Variants in TOP2A observed in about 807,000 individuals in gnomAD.
The protein encoded by TOP2A is DNA topoisomerase II alpha, also known as DNA topoisomerase 2-alpha.
A neutral mutation model predicts 187.2 loss-of-function variants in TOP2A; 68 were observed. The observed-to-expected ratio is 0.36, with a 90% confidence interval of 0.30 to 0.44. TOP2A has a LOEUF of 0.44. TOP2A is among the 20% of genes least tolerant of loss of function. TOP2A has a pLI of 1.00. For synonymous variants in TOP2A, 542 were observed against 593.2 expected (o/e 0.91, Z 1.25); for missense variants, 1,196 against 1,808.7 (o/e 0.66, Z 6.14).
intron 7 of TOP2A, 73 bp downstream of exon 7, chr17:40,412,686 A>C: frequency 1.6e-6 from 2 of 1,269,800 alleles, no homozygotes; most frequent in Non-Finnish European, 2.2e-6. Flanking sequence ...ATGGGAGGGG[A>C]AAAAATTCAA....
Position 40,417,848 on chromosome 17 carries a change from C to T in TOP2A, c.-57G>A, listed in dbSNP as rs1293129025. 65 of 1,607,812 alleles carry T rather than the reference C, an allele frequency of 4.0e-5. No individual in the cohort carries two copies. Among genetic ancestry groups the T allele is most frequent in the Non-Finnish European group, 4.0e-5 (47 of 1,177,040 alleles). ...GAAAGCGACTAAACAGGCAGGACCC[C>T]ACGAGACCACCCCCGACCAAGCCGC... On this transcript the variant is annotated 5_prime_UTR_variant, in exon 1 of 35. Coordinates refer to ENST00000423485, the MANE Select transcript of TOP2A (RefSeq NM_001067.4).
chr17:40,404,302 G>A, intron 18 of TOP2A, 29 bp from the exon 19 acceptor site: 1 of 1,610,436 alleles, frequency 6.2e-7, no homozygotes, highest in Non-Finnish European at 8.5e-7. Context: ...GCAAACGTAA[G>A]TATCCTCAAT....
chr17:40,400,937 C>T lies in TOP2A; in HGVS notation c.2577G>A (p.Gly859=), dbSNP rs1240596326. The T allele has an allele frequency of 1.2e-6, 2 of 1,613,910 alleles. No homozygotes were observed. The highest frequency in any genetic ancestry group is 1.7e-5 in the Admixed American group (1 of 60,008). Residue 859 remains glycine, a synonymous_variant, in exon 21 of 35, where the codon GGG becomes GGA. Coordinates refer to ENST00000423485, the MANE Select transcript of TOP2A (RefSeq NM_001067.4). ...CAAAGTTGGGGATTTTGCAGGACCA[C>T]CCAGTACCGATTCCTTCAGCACCAT... ...LINGAEGIGT[G]WSCKIPNFDV...
chr17:40,392,747 A>G lies in TOP2A; in HGVS notation c.3812-10T>C. 6.3e-7 allele frequency: 1 copy of G among 1,598,610 alleles called. No homozygotes were observed. Among genetic ancestry groups the G allele is most frequent in the Non-Finnish European group, 8.5e-7 (1 of 1,176,020 alleles). On this transcript the variant is annotated splice_polypyrimidine_tract_variant and intron_variant, in intron 29 of 34. Transcript: ENST00000423485. Reference sequence around the variant, plus strand: ...TTCTTTGTCTTTGTACCTAGAGGGGAGATAGAAATTAATCACCTTTATATA... The same window carrying G: ...TTCTTTGTCTTTGTACCTAGAGGGGGGATAGAAATTAATCACCTTTATATA...
chr17:40,405,661 G>A (rs941727347), intron 16 of TOP2A, among the ~76,000 whole-genome samples: 34 of 152,022 alleles, frequency 2.2e-4, no homozygotes, highest in African/African-American at 7.7e-4. Flanking sequence ...AGTAGAGACG[G>A]GGTTTCACCG....
intron 3 of TOP2A, 70 bp downstream of exon 3, chr17:40,416,352 A>T: frequency 1.8e-6 from 2 of 1,120,462 alleles, no homozygotes; most frequent in Non-Finnish European, 2.5e-6. Context: ...TATCTTTTTT[A>T]AATTTTTATT....
chr17:40,405,581 A>T, intron 16 of TOP2A, among the ~76,000 whole-genome samples: 2 of 147,424 alleles, frequency 1.4e-5, no homozygotes, highest in South Asian at 2.1e-4. Flanking sequence ...CAGCCTCCGG[A>T]GTAGCTGGGA....
Position 40,406,866 on chromosome 17 carries a change from C to T in TOP2A, c.1703G>A (p.Arg568His), listed in dbSNP as rs761780273. 11 of 1,607,508 alleles carry T rather than the reference C, an allele frequency of 6.8e-6. No individual in the cohort carries two copies. The highest frequency in any genetic ancestry group is 3.3e-5 in the South Asian group (3 of 90,212). ...HHNWPSLLRH[R>H]FLEEFITPIV... ...GGGAGTGATAAATTCCTCCAGAAAACGATGTCGCAGAAGAGAGGGCCAGTT... is the reference window on the plus strand; with the variant it reads ...GGGAGTGATAAATTCCTCCAGAAAATGATGTCGCAGAAGAGAGGGCCAGTT... Residue 568 changes from arginine to histidine, a missense_variant, in exon 14 of 35, where the codon CGT becomes CAT. Physicochemically the swap from Arg to His is conservative, Grantham distance 29. Transcript: ENST00000423485.
chr17:40,404,036 C>CA (rs2035211391), intron 19 of TOP2A, 116 bp downstream of exon 19: 1 of 1,330,992 alleles, frequency 7.5e-7, no homozygotes. Flanking sequence ...CAGGTTTTAC[C>CA]AACTTGTTCT....
At chr17:40,416,118 C>T (rs374858841) in intron 3 of TOP2A, 50 bp from the exon 4 acceptor site, 9 of 1,302,884 alleles carry the variant, frequency 6.9e-6, no homozygotes, top group Non-Finnish European at 9.7e-6. Flanking sequence ...TTTTAAGAAA[C>T]ATTCTGTAAC....
intron 16 of TOP2A, among the ~76,000 whole-genome samples, chr17:40,405,164 ATT>A (rs778351248): frequency 1.7e-4 from 22 of 127,990 alleles, no homozygotes; most frequent in African/African-American, 2.6e-4. Flanking sequence ...TAATTTTTGT[ATT>A]TTTTTTTTTT....
At position 40,411,050 on chromosome 17, in the gene TOP2A, G is replaced by A. The variant is rs896871002; in HGVS notation, c.1203+59C>T. 25 of 1,472,790 alleles carry A rather than the reference G, an allele frequency of 1.7e-5. No individual in the cohort carries two copies. Among genetic ancestry groups the A allele is most frequent in the Admixed American group, 2.4e-5 (1 of 41,276 alleles). The allele number at this position is 1,472,790 out of a possible 1,614,324, so 91.2% of individuals were successfully genotyped here. A position where few individuals can be genotyped will look rare whatever the true frequency, so the allele number is the denominator to read the frequency against. ...AGAATCATTGTTTCTGCAGAGCTAA[G>A]AAGTGCAATGGAAAATAAAGTCAGG... On this transcript the variant is annotated intron_variant, in intron 10 of 34. Coordinates refer to ENST00000423485, the MANE Select transcript of TOP2A (RefSeq NM_001067.4). This position sits in a 1 kb window ranked among gnomAD's most constrained non-coding sequence, Gnocchi z 4.4.
chr17:40,401,978 C>G (rs919810365), intron 20 of TOP2A, among the ~76,000 whole-genome samples: 1 of 152,154 alleles, frequency 6.6e-6, no homozygotes, highest in Non-Finnish European at 1.5e-5. Context: ...GTTGAAGGTT[C>G]TGAATCAGAG....
rs368354356 is a variant in TOP2A at position 40,400,027 on chromosome 17, G to A, written c.3041C>T (p.Thr1014Met). 9.3e-5 allele frequency: 150 copies of A among 1,611,214 alleles called. No homozygotes were observed. The highest frequency in any genetic ancestry group is 1.2e-4 in the Non-Finnish European group (138 of 1,179,130). ...DHVGCLKKYD[T>M]VLDILRDFFE... ...AAAGTCTCTTAGAATATCCAACACC[G>A]TGTCATATTTCTTTAAACAGCCTAC... is the stretch of plus-strand genomic sequence containing the variant. Residue 1014 changes from threonine to methionine, a missense_variant, in exon 24 of 35, where the codon ACG becomes ATG. Thr to Met is a moderately conservative substitution (Grantham distance 81). Around this residue, in one of 10 missense-constraint regions of TOP2A, gnomAD observed 232 missense variants for 306.1 expected, o/e 0.76. Coordinates refer to ENST00000423485, the MANE Select transcript of TOP2A (RefSeq NM_001067.4).
chr17:40,407,827 C>A, intron 12 of TOP2A, 140 bp downstream of exon 12: 2 of 1,179,598 alleles, frequency 1.7e-6, no homozygotes. Context: ...TTAAAATAGG[C>A]TACAATGTAC....
chr17:40,392,152 G>T, intron 31 of TOP2A, 41 bp from the exon 32 acceptor site: 3 of 1,609,846 alleles, frequency 1.9e-6, no homozygotes, highest in Non-Finnish European at 2.5e-6. Context: ...AATTCTAAAT[G>T]TGTCAAGCAA....
rs2143624325 is a variant in TOP2A at position 40,392,624 on chromosome 17, C to G, written c.3925G>C (p.Asp1309His). 1 of 1,613,018 alleles carries G rather than the reference C, an allele frequency of 6.2e-7. No homozygotes were observed. The highest frequency in any genetic ancestry group is 8.5e-7 in the Non-Finnish European group (1 of 1,179,672). The change falls in exon 30 of 35, where the codon GAT becomes CAT. Residue 1309 changes from aspartate (D) to histidine (H), a missense_variant. Asp to His is a moderately conservative substitution (Grantham distance 81). Coordinates refer to ENST00000423485, the MANE Select transcript of TOP2A (RefSeq NM_001067.4). Reference protein sequence around the residue: ...SDRSSDESNFDVPPRETEPRR... With the variant: ...SDRSSDESNFHVPPRETEPRR... ...GGCTCTGTTTCTCGTGGAGGGACAT[C>G]AAAATTACTTTCGTCACTGCTCCTA...
At chr17:40,413,154 C>T (rs2143686474) in intron 6 of TOP2A, 41 bp downstream of exon 6, 1 of 1,422,530 alleles carries the variant, frequency 7.0e-7, no homozygotes, top group Non-Finnish European at 9.7e-7. Flanking sequence ...GGCTATACTA[C>T]TACCATTTAT....
In TOP2A at chr17:40,399,097, C is replaced by T; in HGVS notation, c.3231G>A (p.Leu1077=). ...GATCCGAATCATATCCCCTCTGAATCAGAACTTTAATTAATTCTTTCTTAG... is the reference window on the plus strand; with the variant it reads ...GATCCGAATCATATCCCCTCTGAATTAGAACTTTAATTAATTCTTTCTTAG... ...NKPKKELIKV[L]IQRGYDSDPV... The change falls in exon 25 of 35, where the codon CTG becomes CTA. Residue 1077 remains leucine (L), a synonymous_variant. Coordinates refer to ENST00000423485, the MANE Select transcript of TOP2A (RefSeq NM_001067.4). The T allele has an allele frequency of 6.3e-7, 1 of 1,575,348 alleles. No individual in the cohort carries two copies.
Sources: allele counts gnomAD v4.1 joint callset (sites outside exome capture counted in the v4.1 genomes callset), GRCh38; gene constraint gnomAD v4.1.1; regional missense constraint gnomAD v4.1.1; non-coding constraint Gnocchi (gnomAD v3.1); transcripts MANE v1.5; gene names NCBI Gene and HGNC (gene_info 2026-07-23, HGNC 2026-07-21).